The following ZDHHC1 variants were observed in gnomAD, a reference collection of about 807,000 sequenced individuals.
The protein encoded by ZDHHC1 is zDHHC palmitoyltransferase 1, also known as palmitoyltransferase ZDHHC1.
In ZDHHC1, 45 loss-of-function variants were observed where a neutral mutation model predicts 46.9. The ratio of observed to expected loss-of-function variants is 0.96; its 90% confidence interval spans 0.76 to 1.23. ZDHHC1 has a LOEUF of 1.23. ZDHHC1 is among the 50% of genes most tolerant of loss of function. ZDHHC1 has a pLI of 0.00. For synonymous variants in ZDHHC1, 291 were observed against 286.0 expected (o/e 1.02, Z -0.18); for missense variants, 649 against 670.8 (o/e 0.97, Z 0.36).
At chr16:67,407,995 ACACT>A (rs1002538361) in intron 1 of ZDHHC1, among the ~76,000 whole-genome samples, 182 bp from the exon 2 acceptor site, 1 of 152,074 alleles carries the variant, frequency 6.6e-6, no homozygotes, top group Non-Finnish European at 1.5e-5. Flanking sequence ...TGACTGCCAG[ACACT>A]CACTCCTAGC....
rs761058557 is a variant in ZDHHC1, at chr16:67,395,130, G to A, written c.1104+57C>T. 9.3e-6 allele frequency: 15 copies of A among 1,613,156 alleles called. No individual in the cohort carries two copies. In the Admixed American group the frequency reaches 2.5e-4, roughly 27 times the overall value. ...AGAAGCAGAGGCGAGCGCCAGGGTA[G>A]AGGCTTCTTTCTATCCCACTCCACC... On this transcript the variant is annotated intron_variant, in intron 10 of 11. Coordinates refer to ENST00000565726, the MANE Select transcript of ZDHHC1 (RefSeq NM_001323627.2).
At chr16:67,410,353 T>C (rs1283987784) in intron 1 of ZDHHC1, among the ~76,000 whole-genome samples, 1 of 152,110 alleles carries the variant, frequency 6.6e-6, no homozygotes, top group East Asian at 1.9e-4. Context: ...GGCTCAGAGG[T>C]ACACAGCCTT....
At position 67,406,305 on chromosome 16, in the gene ZDHHC1, G is replaced by C; in HGVS notation, c.147C>G (p.His49Gln). Residue 49 changes from histidine (H) to glutamine (Q), a missense_variant, in exon 3 of 12, where the codon CAC becomes CAG. His to Gln is a conservative substitution (Grantham distance 24). Transcript: ENST00000565726. The surrounding 1 kb of genome is among the most constrained non-coding windows in gnomAD (Gnocchi z 4.1). ...SRRNGWSWPP[H>Q]PLQIVAWLLY... ...GCAGCCAGGCCACAATCTGGAGCGG[G>C]TGAGGGGGCCAGCTCCACCCATTCC... The C allele has an allele frequency of 6.2e-7, 1 of 1,607,790 alleles. No individual in the cohort carries two copies. The highest frequency in any genetic ancestry group is 8.5e-7 in the Non-Finnish European group (1 of 1,177,362).
At chr16:67,407,843 A>T in intron 1 of ZDHHC1, 30 bp from the exon 2 acceptor site, 11 of 768,450 alleles carry the variant, frequency 1.4e-5, no homozygotes, top group Non-Finnish European at 2.4e-5. Context: ...GGGCACAGTA[A>T]ATGGTGTGGA....
At chr16:67,408,631 G>A (rs563170717) in intron 1 of ZDHHC1, among the ~76,000 whole-genome samples, 4 of 151,902 alleles carry the variant, frequency 2.6e-5, no homozygotes, top group East Asian at 1.9e-4. Context: ...GAAATACAGC[G>A]GCGTGTTGCC....
Position 67,394,564 on chromosome 16 carries a change from A to G in ZDHHC1, c.*46T>C, listed in dbSNP as rs2040377775. Reference sequence around the variant, plus strand: ...GGCAAGGATGGGGTGTTGCATAGAGAGTCAGGCCGGCCGCTCTAACTCGGC... The same window carrying G: ...GGCAAGGATGGGGTGTTGCATAGAGGGTCAGGCCGGCCGCTCTAACTCGGC... On this transcript the variant is annotated 3_prime_UTR_variant, in exon 12 of 12. Transcript: ENST00000565726. 2.6e-6 allele frequency: 3 copies of G among 1,134,052 alleles called. No homozygotes were observed. Among genetic ancestry groups the G allele is most frequent in the Non-Finnish European group, 3.2e-6 (3 of 926,488 alleles). The allele number at this position is 1,134,052 out of a possible 1,614,324, so 70.2% of individuals were successfully genotyped here. A position where few individuals can be genotyped will look rare whatever the true frequency, so the allele number is the denominator to read the frequency against.
At chr16:67,403,696 GC>G (rs986987293) in intron 3 of ZDHHC1, among the ~76,000 whole-genome samples, 2 of 151,592 alleles carry the variant, frequency 1.3e-5, no homozygotes, top group Non-Finnish European at 2.9e-5. Flanking sequence ...TGCAGCCTCC[GC>G]CCCCCGACCC....
intron 3 of ZDHHC1, among the ~76,000 whole-genome samples, chr16:67,405,056 G>A (rs1192783997): frequency 1.3e-5 from 2 of 152,186 alleles, no homozygotes; most frequent in African/African-American, 2.4e-5. Flanking sequence ...GGAAAGTCCA[G>A]TTTTCCATTC....
rs1048382250 is a variant in ZDHHC1 at position 67,406,793 on chromosome 16, G to T, written c.10-351C>A. On this transcript the variant is annotated intron_variant, in intron 2 of 11. Transcript: ENST00000565726. The surrounding 1 kb of genome is among the most constrained non-coding windows in gnomAD (Gnocchi z 4.1). ...TCTCATCTGGTAACAATATCAGGCT[G>T]GGGCCAGAGTGATGAGAACACATGC... Among the ~76,000 whole-genome samples, 2 of 152,222 alleles carry T rather than the reference G, an allele frequency of 1.3e-5. No individual in the cohort carries two copies. Among genetic ancestry groups the T allele is most frequent in the African/African-American group, 4.8e-5 (2 of 41,438 alleles).
At chr16:67,412,634 C>A (rs775269786) in intron 1 of ZDHHC1, among the ~76,000 whole-genome samples, 2 of 152,190 alleles carry the variant, frequency 1.3e-5, no homozygotes, top group Non-Finnish European at 2.9e-5. Context: ...AACAGAGGAG[C>A]TGCTAGGCAG....
At chr16:67,414,918 C>T (rs558955607) in intron 1 of ZDHHC1, among the ~76,000 whole-genome samples, 258 of 152,314 alleles carry the variant, frequency 1.7e-3, no homozygotes, top group Non-Finnish European at 2.9e-3. Context: ...GGCTGGATCA[C>T]CTGAGGTCAG....
chr16:67,399,055 C>G, intron 5 of ZDHHC1, 111 bp from the exon 6 acceptor site: 2 of 1,413,128 alleles, frequency 1.4e-6, no homozygotes, highest in Non-Finnish European at 1.9e-6. Context: ...TGAGGGTGAC[C>G]CCACAGCCCC....
At chr16:67,397,352 G>A (rs1223679654) in intron 8 of ZDHHC1, among the ~76,000 whole-genome samples, 1 of 152,214 alleles carries the variant, frequency 6.6e-6, no homozygotes, top group African/African-American at 2.4e-5. Context: ...TCAGAGCCCA[G>A]CACTGGGGCA....
rs1180588588 is a variant in ZDHHC1, at chr16:67,399,384, GAGCC to G, written c.497_500del (p.Trp166SerfsTer54). On this transcript the variant is annotated frameshift_variant, in exon 5 of 12. Coordinates refer to ENST00000565726, the MANE Select transcript of ZDHHC1 (RefSeq NM_001323627.2). LOFTEE classifies it high-confidence loss of function. ...AGTTCCGCTCGCCCACACAGTTGTT[GAGCC>G]ACTTGCAGTGGTGGTCGAAACCGCA... 1.9e-6 allele frequency: 3 copies of G among 1,613,224 alleles called. No individual in the cohort carries two copies. The African/African-American group carries it at 4.0e-5, about 22-fold the overall frequency.
At position 67,406,579 on chromosome 16, in the gene ZDHHC1, G is replaced by A; in HGVS notation, c.10-137C>T. On this transcript the variant is annotated intron_variant, in intron 2 of 11. Coordinates refer to ENST00000565726, the MANE Select transcript of ZDHHC1 (RefSeq NM_001323627.2). This position sits in a 1 kb window ranked among gnomAD's most constrained non-coding sequence, Gnocchi z 4.1. ...CTCTGCTGGGGAAACTGGGGTCCTA[G>A]CACAATAGAGATGGGCAGTGGGGAG... 9 of 1,148,630 alleles carry A rather than the reference G, an allele frequency of 7.8e-6. No homozygotes were observed. Among genetic ancestry groups the A allele is most frequent in the Non-Finnish European group, 9.5e-6 (8 of 844,448 alleles). 71.2% of individuals were successfully genotyped at this position (1,148,630 alleles called of 1,614,324 possible).
Position 67,394,319 on chromosome 16 carries a change from A to C in ZDHHC1, c.*291T>G. 6.2e-6 allele frequency: 1 copy of C among 160,764 alleles called. No individual in the cohort carries two copies. Among genetic ancestry groups the C allele is most frequent in the East Asian group, 1.8e-4 (1 of 5,518 alleles). 10.0% of individuals were successfully genotyped at this position (160,764 alleles called of 1,614,324 possible). ...CCTCCACAGGGCAGCCTGGGTGGCT[A>C]CCTACTATACAGGGACCTCCTCCCC... is the stretch of plus-strand genomic sequence containing the variant. On this transcript the variant is annotated 3_prime_UTR_variant, in exon 12 of 12. Transcript: ENST00000565726.
Position 67,398,628 on chromosome 16 carries a change from C to A in ZDHHC1, c.759G>T (p.Leu253=). Residue 253 remains leucine (L), a synonymous_variant, in exon 7 of 12, where the codon CTG becomes CTT. Coordinates refer to ENST00000565726, the MANE Select transcript of ZDHHC1 (RefSeq NM_001323627.2). The part of the protein sequence containing the change: ...ILALAALLIL[L]GLLSTALLGH... ...CCAGGAGGGCTGTGGACAGGAGGCCCAGAAGGATGAGCAGGGCGGCCAGGG... is the reference window on the plus strand; with the variant it reads ...CCAGGAGGGCTGTGGACAGGAGGCCAAGAAGGATGAGCAGGGCGGCCAGGG... 6.2e-7 allele frequency: 1 copy of A among 1,606,960 alleles called. No individual in the cohort carries two copies. Among genetic ancestry groups the A allele is most frequent in the East Asian group, 2.2e-5 (1 of 44,644 alleles).
At position 67,398,800 on chromosome 16, in the gene ZDHHC1, G is replaced by C. The variant is rs1350949481; in HGVS notation, c.655+20C>G. ...GTGACCAGGGTTGGGGGTGAGAATAGGCCCGGAGCCTAAACTGACCTTCAA... is the reference window on the plus strand; with the variant it reads ...GTGACCAGGGTTGGGGGTGAGAATACGCCCGGAGCCTAAACTGACCTTCAA... On this transcript the variant is annotated intron_variant, in intron 6 of 11. Transcript: ENST00000565726. The C allele has an allele frequency of 6.2e-7, 1 of 1,612,484 alleles. No homozygotes were observed. The highest frequency in any genetic ancestry group is 8.5e-7 in the Non-Finnish European group (1 of 1,179,436).
At chr16:67,413,427 C>A (rs1205179262) in intron 1 of ZDHHC1, among the ~76,000 whole-genome samples, 1 of 152,186 alleles carries the variant, frequency 6.6e-6, no homozygotes, top group Non-Finnish European at 1.5e-5. Flanking sequence ...ACAAAAGATT[C>A]TTTAGGGACA....
Sources: gnomAD v4.1 joint callset for allele counts (sites outside exome capture counted in the v4.1 genomes callset) on GRCh38, gnomAD v4.1.1 for gene constraint, Gnocchi (gnomAD v3.1) non-coding constraint, MANE v1.5 for transcripts, NCBI Gene and HGNC (gene_info 2026-07-23, HGNC 2026-07-21) for gene names.